The following FSTL4 variants were observed in gnomAD, a reference collection of about 807,000 sequenced individuals.
FSTL4 encodes the protein follistatin like 4.
Under a neutral mutation model 78.2 loss-of-function variants are expected in FSTL4, and 28 were observed. The observed-to-expected ratio is 0.36, with a 90% CI of 0.27 to 0.49. The LOEUF (loss-of-function observed/expected upper bound fraction) is 0.49. Among genes scored for constraint, FSTL4 ranks in the 20% least tolerant of loss-of-function variants. The probability of loss-of-function intolerance (pLI) is 0.98; values close to 1 mark genes in which losing one functional copy is unlikely to be tolerated. For synonymous variants in FSTL4, 422 were observed against 440.5 expected, an observed-to-expected ratio of 0.96 and a Z score of 0.53; for missense variants, 922 against 1,084.9, an observed-to-expected ratio of 0.85 and a Z score of 2.11.
chr5:133,720,135 TAA>T, the FSTL4 span, among the ~76,000 whole-genome samples: 2 of 152,122 alleles, frequency 1.3e-5, no homozygotes, highest in African/African-American at 4.8e-5. Flanking sequence ...TTAGTAACTA[TAA>T]AGGAATGCAA....
intron 3 of FSTL4, among the ~76,000 whole-genome samples, chr5:133,466,237 T>C (rs1390484497): frequency 6.6e-6 from 1 of 152,180 alleles, no homozygotes; most frequent in Non-Finnish European, 1.5e-5. Context: ...GGTAGAAGAA[T>C]TCCTTGGGAC....
At chr5:133,645,777 T>C in the FSTL4 span, among the ~76,000 whole-genome samples, 1 of 152,040 alleles carries the variant, frequency 6.6e-6, no homozygotes, top group African/African-American at 2.4e-5. Flanking sequence ...GGGACAGAGA[T>C]TGGAGTTATG....
At chr5:133,240,559 TC>T (rs1051084540) in intron 7 of FSTL4, among the ~76,000 whole-genome samples, 2 of 152,156 alleles carry the variant, frequency 1.3e-5, no homozygotes, top group African/African-American at 4.8e-5. Context: ...ACCTGGTTCT[TC>T]CAAGGCTCGG....
chr5:133,630,458 G>A, the FSTL4 span, among the ~76,000 whole-genome samples: 1 of 152,136 alleles, frequency 6.6e-6, no homozygotes, highest in African/African-American at 2.4e-5. Context: ...ACTTCTTCAA[G>A]GAGAACTACA....
Position 133,282,874 on chromosome 5 carries a change from C to T in FSTL4, c.727+29780G>A, listed in dbSNP as rs12657387. ...TACCACAAAGAGCAGAAGCCCCTTT[C>T]CCAGGAAGACAACTTTCTCTAAACA... On this transcript the variant is annotated intron_variant, in intron 6 of 15. Coordinates refer to ENST00000265342, the MANE Select transcript of FSTL4 (RefSeq NM_015082.2). Among the ~76,000 whole-genome samples the T allele has an allele frequency of 2.0e-5, 3 of 152,216 alleles. No homozygotes were observed. In the East Asian group the frequency reaches 5.8e-4, roughly 29 times the overall value.
chr5:133,762,487 C>G, the FSTL4 span, among the ~76,000 whole-genome samples: 551 of 152,298 alleles, frequency 3.6e-3, 1 homozygote, highest in African/African-American at 0.013. Context: ...TCCTTAGAAA[C>G]TAACGTGTCC....
intron 13 of FSTL4, among the ~76,000 whole-genome samples, chr5:133,214,198 A>C (rs1325079871): frequency 6.6e-6 from 1 of 152,246 alleles, no homozygotes; most frequent in African/African-American, 2.4e-5. Context: ...CATATATAGA[A>C]TACAGTATCT....
rs770705305 is a variant in FSTL4 at position 133,199,136 on chromosome 5, T to A, written c.2488A>T (p.Ile830Leu). Residue 830 changes from isoleucine to leucine, a missense_variant, in exon 16 of 16, where the codon ATA (isoleucine) becomes TTA (leucine). By Grantham distance (5) the Ile-to-Leu change is conservative (BLOSUM62 2). Coordinates refer to ENST00000265342, the MANE Select transcript of FSTL4 (RefSeq NM_015082.2). This position sits in a 1 kb window ranked among gnomAD's most constrained non-coding sequence, Gnocchi z 4.4. ...QNTLRCEVSG[I>L]KGGTTVVWVG... ...CACACCACTGTGGTCCCCCCCTTTA[T>A]ACCTGACACCTCACACCGCAGCGTG... 2 of 1,581,338 alleles carry A rather than the reference T, an allele frequency of 1.3e-6. No homozygotes were observed. Among genetic ancestry groups the A allele is most frequent in the Non-Finnish European group, 1.7e-6 (2 of 1,160,934 alleles).
chr5:133,395,887 G>A (rs1453151302), intron 4 of FSTL4, among the ~76,000 whole-genome samples: 1 of 152,130 alleles, frequency 6.6e-6, no homozygotes, highest in Non-Finnish European at 1.5e-5. Context: ...AGAGCCCGGA[G>A]GTACATTCTA....
intron 7 of FSTL4, among the ~76,000 whole-genome samples, chr5:133,237,091 C>A (rs1751684781): frequency 6.6e-6 from 1 of 152,168 alleles, no homozygotes; most frequent in Admixed American, 6.5e-5. Flanking sequence ...CACCTGCCTT[C>A]CTGTCCACTC....
chr5:133,837,502 T>G, the FSTL4 span, among the ~76,000 whole-genome samples: 1 of 152,242 alleles, frequency 6.6e-6, no homozygotes, highest in East Asian at 1.9e-4. Context: ...TGTGAGTTTC[T>G]GGATGATGTG....
the FSTL4 span, among the ~76,000 whole-genome samples, chr5:133,627,560 G>C: frequency 1.8e-4 from 27 of 152,132 alleles, no homozygotes; most frequent in African/African-American, 6.5e-4. Flanking sequence ...ATGATCTGCT[G>C]TTAATATAGG....
At chr5:133,493,151 T>C (rs1758303835) in intron 3 of FSTL4, among the ~76,000 whole-genome samples, 1 of 152,192 alleles carries the variant, frequency 6.6e-6, no homozygotes, top group Non-Finnish European at 1.5e-5. Context: ...ACTTTTACAT[T>C]GTGTTTTATT....
chr5:133,233,602 T>C lies in FSTL4; in HGVS notation c.895-65A>G, dbSNP rs990413595. On this transcript the variant is annotated intron_variant, in intron 7 of 15. Coordinates refer to ENST00000265342, the MANE Select transcript of FSTL4 (RefSeq NM_015082.2). ...TTGAACGGGCTGGAAACCATAGCTG[T>C]CTCCTGGTTTTCCAGAAATCCTGCA... 7 of 1,578,864 alleles carry C rather than the reference T, an allele frequency of 4.4e-6. No homozygotes were observed. The Admixed American group carries it at 1.2e-4, about 27-fold the overall frequency.
At chr5:133,250,250 G>A (rs1018785713) in intron 6 of FSTL4, among the ~76,000 whole-genome samples, 97 of 152,200 alleles carry the variant, frequency 6.4e-4, no homozygotes, top group African/African-American at 2.0e-3. Flanking sequence ...AGGCAAATGG[G>A]AAGAATCTAA....
At chr5:133,546,419 T>C (rs2112923974) in intron 3 of FSTL4, among the ~76,000 whole-genome samples, 1 of 149,116 alleles carries the variant, frequency 6.7e-6, no homozygotes, top group East Asian at 2.0e-4. Flanking sequence ...GGTAGGAGAA[T>C]TGCTTGAGCC....
intron 3 of FSTL4, among the ~76,000 whole-genome samples, chr5:133,432,744 T>G (rs1004929599): frequency 1.3e-5 from 2 of 152,088 alleles, no homozygotes; most frequent in East Asian, 3.9e-4. Context: ...GGATGCTGGG[T>G]GGGTGGGTGG....
chr5:133,627,848 T>G, the FSTL4 span, among the ~76,000 whole-genome samples: 2 of 151,658 alleles, frequency 1.3e-5, no homozygotes, highest in Non-Finnish European at 2.9e-5. Flanking sequence ...CTAAGATATA[T>G]TTATATATAA....
At chr5:133,371,634 G>A (rs1157197128) in intron 4 of FSTL4, among the ~76,000 whole-genome samples, 4 of 152,314 alleles carry the variant, frequency 2.6e-5, no homozygotes, top group East Asian at 3.9e-4. Context: ...ATTCATGTGC[G>A]TAAATATCAG....
Sources: allele counts gnomAD v4.1 joint callset (sites outside exome capture counted in the v4.1 genomes callset), GRCh38; gene constraint gnomAD v4.1.1; non-coding constraint Gnocchi (gnomAD v3.1); transcripts MANE v1.5; gene names NCBI Gene and HGNC (gene_info 2026-07-23, HGNC 2026-07-21).